Variants in AKAP6 observed in about 807,000 individuals in gnomAD.
AKAP6 encodes A-kinase anchoring protein 6.
In AKAP6, 58 loss-of-function variants were observed where a neutral mutation model predicts 188.5. That is an observed-to-expected ratio of 0.31 (90% CI 0.25 to 0.38). The LOEUF is 0.38. AKAP6 is among the 10% of genes least tolerant of loss of function. AKAP6 has a pLI of 1.00. For missense variants in AKAP6, 2,710 were observed against 2,740.0 expected (o/e 0.99, Z 0.24); for synonymous variants, 989 against 998.6 (o/e 0.99, Z 0.18).
At chr14:32,669,013 T>C (rs1306951041) in intron 7 of AKAP6, among the ~76,000 whole-genome samples, 2 of 152,208 alleles carry the variant, frequency 1.3e-5, no homozygotes, top group African/African-American at 4.8e-5. Context: ...AAGTCTTTCT[T>C]TGGCAATATC....
chr14:32,741,177 T>C (rs2031658316), intron 11 of AKAP6, among the ~76,000 whole-genome samples: 1 of 152,044 alleles, frequency 6.6e-6, no homozygotes, highest in Admixed American at 6.6e-5. Context: ...TTTCAGATTG[T>C]TCACTGTTGA....
intron 1 of AKAP6, among the ~76,000 whole-genome samples, chr14:32,422,698 C>CTAA (rs1455219552): frequency 6.6e-6 from 1 of 152,156 alleles, no homozygotes; most frequent in Non-Finnish European, 1.5e-5. Flanking sequence ...TCTGAGTCAC[C>CTAA]TTATTAGCAT....
At chr14:32,767,168 T>G (rs897183589) in intron 11 of AKAP6, among the ~76,000 whole-genome samples, 1 of 152,194 alleles carries the variant, frequency 6.6e-6, no homozygotes, top group Non-Finnish European at 1.5e-5. Context: ...GTAAAAGAAG[T>G]CTTTTATGGC....
At chr14:32,782,722 T>C (rs988823292) in intron 12 of AKAP6, among the ~76,000 whole-genome samples, 2 of 152,172 alleles carry the variant, frequency 1.3e-5, no homozygotes, top group East Asian at 3.8e-4. Flanking sequence ...TGCAAACAGC[T>C]ACAAAATATT....
chr14:32,684,501 T>C (rs1012108938), intron 8 of AKAP6, among the ~76,000 whole-genome samples: 6 of 152,224 alleles, frequency 3.9e-5, no homozygotes, highest in African/African-American at 7.2e-5. Flanking sequence ...TAAGATTGCA[T>C]TGAGTCTGCT....
chr14:32,551,112 C>T (rs1883440121), intron 4 of AKAP6, among the ~76,000 whole-genome samples: 1 of 152,206 alleles, frequency 6.6e-6, no homozygotes, highest in East Asian at 1.9e-4. Context: ...CACTACACTC[C>T]CTTTCCTAGA....
chr14:32,486,450 A>G (rs12896990), intron 2 of AKAP6, among the ~76,000 whole-genome samples: 50,734 of 152,074 alleles, frequency 0.33, 9,402 homozygotes, highest in East Asian at 0.65. Context: ...ATCCAAGAGC[A>G]TGGAATGTTT....
At position 32,545,764 on chromosome 14, in the gene AKAP6, C is replaced by G; in HGVS notation, c.1111C>G (p.Arg371Gly). 2.5e-6 allele frequency: 4 copies of G among 1,614,180 alleles called. No homozygotes were observed. The highest frequency in any genetic ancestry group is 3.4e-6 in the Non-Finnish European group (4 of 1,180,028). Reference protein sequence around the residue: ...PVPCENATPKRTIRDCFNYNE... With the variant: ...PVPCENATPKGTIRDCFNYNE... Reference sequence around the variant, plus strand: ...TCCTTGTGAAAATGCAACCCCCAAACGAACCATCAGAGATTGCTTTAATTA... The same window carrying G: ...TCCTTGTGAAAATGCAACCCCCAAAGGAACCATCAGAGATTGCTTTAATTA... The change falls in exon 4 of 14, where the codon CGA becomes GGA. Residue 371 changes from arginine to glycine, a missense_variant. Arg to Gly is a moderately radical substitution (Grantham distance 125). This residue lies in a region of AKAP6 where 2,473 missense variants were observed against 2,426.1 expected (regional missense o/e 1.02). Coordinates refer to ENST00000280979, the MANE Select transcript of AKAP6 (RefSeq NM_004274.5).
At chr14:32,724,040 G>A (rs576923624) in intron 9 of AKAP6, among the ~76,000 whole-genome samples, 152 of 149,742 alleles carry the variant, frequency 1.0e-3, no homozygotes, top group African/African-American at 3.7e-3. Context: ...GGAAATCAAC[G>A]AACATTACAA....
intron 2 of AKAP6, among the ~76,000 whole-genome samples, chr14:32,521,404 T>G (rs1392604203): frequency 6.6e-6 from 1 of 152,156 alleles, no homozygotes; most frequent in Non-Finnish European, 1.5e-5. Flanking sequence ...ATTGTCCCTG[T>G]TTGCAGATGA....
chr14:32,729,973 C>T (rs76504938), intron 9 of AKAP6, among the ~76,000 whole-genome samples: 7,622 of 151,936 alleles, frequency 0.05, 540 homozygotes, highest in East Asian at 0.37. Context: ...ATAGGATGAC[C>T]GAAAACTGAT....
chr14:32,397,449 C>T (rs151020980), intron 1 of AKAP6, among the ~76,000 whole-genome samples: 2 of 149,902 alleles, frequency 1.3e-5, no homozygotes, highest in Non-Finnish European at 2.9e-5. Context: ...GTGATCTCAG[C>T]TCACTGCAGT....
At chr14:32,379,324 A>G (rs1216863571) in intron 1 of AKAP6, among the ~76,000 whole-genome samples, 1 of 152,058 alleles carries the variant, frequency 6.6e-6, no homozygotes, top group African/African-American at 2.4e-5. Context: ...AGCTATTTTC[A>G]TTTTTCCTGT....
chr14:32,743,762 A>T (rs2031776449), intron 11 of AKAP6, among the ~76,000 whole-genome samples: 1 of 151,938 alleles, frequency 6.6e-6, no homozygotes, highest in Non-Finnish European at 1.5e-5. Flanking sequence ...TGTAGTTATT[A>T]TTTTTTTTTG....
At chr14:32,689,385 G>T (rs550480506) in intron 8 of AKAP6, among the ~76,000 whole-genome samples, 2 of 152,010 alleles carry the variant, frequency 1.3e-5, no homozygotes, top group Non-Finnish European at 2.9e-5. Context: ...AGAAAGTGGG[G>T]CCAGTTATTA....
At chr14:32,387,805 T>G (rs1431061591) in intron 1 of AKAP6, among the ~76,000 whole-genome samples, 3 of 151,592 alleles carry the variant, frequency 2.0e-5, no homozygotes, top group Non-Finnish European at 2.9e-5. Flanking sequence ...TGTAGTTTTT[T>G]TTTTTTTTTA....
At chr14:32,617,306 C>G (rs2139404859) in intron 7 of AKAP6, among the ~76,000 whole-genome samples, 1 of 152,136 alleles carries the variant, frequency 6.6e-6, no homozygotes, top group African/African-American at 2.4e-5. Flanking sequence ...TTAATCCTCC[C>G]CATTATCAGG....
chr14:32,514,904 G>A (rs1881440407), intron 2 of AKAP6, among the ~76,000 whole-genome samples: 2 of 152,088 alleles, frequency 1.3e-5, no homozygotes, highest in African/African-American at 4.8e-5. Context: ...GTGAAGGTGG[G>A]GGTCTTAACT....
intron 11 of AKAP6, among the ~76,000 whole-genome samples, chr14:32,736,252 A>G (rs963583340): frequency 6.6e-6 from 1 of 152,214 alleles, no homozygotes; most frequent in Non-Finnish European, 1.5e-5. Flanking sequence ...ACAAATTGAT[A>G]TGATAAAAAC....
Sources: gnomAD v4.1 joint callset for allele counts (sites outside exome capture counted in the v4.1 genomes callset) on GRCh38, gnomAD v4.1.1 for gene constraint, gnomAD v4.1.1 regional missense constraint, MANE v1.5 for transcripts, NCBI Gene and HGNC (gene_info 2026-07-23, HGNC 2026-07-21) for gene names.